Variants in PACS1 observed in about 807,000 individuals in gnomAD.
PACS1 encodes the protein phosphofurin acidic cluster sorting protein 1.
PACS1 carries 24 observed loss-of-function variants against 115.0 expected under a neutral mutation model. The ratio of observed to expected loss-of-function variants is 0.21; its 90% CI spans 0.15 to 0.29. The LOEUF (loss-of-function observed/expected upper bound fraction) is 0.29, where lower values mean the gene tolerates loss of function less well. PACS1 is among the 10% of genes least tolerant of loss of function. PACS1 has a pLI of 1.00. For synonymous variants in PACS1, 453 were observed against 504.5 expected (o/e 0.90, Z 1.37); for missense variants, 838 against 1,251.2 (o/e 0.67, Z 4.98).
In PACS1 at chr11:66,070,608, C is replaced by T. The variant is rs1186301528; in HGVS notation, c.122C>T (p.Pro41Leu). 6.6e-7 allele frequency: 1 copy of T among 1,525,642 alleles called. No homozygotes were observed. Among genetic ancestry groups the T allele is most frequent in the Non-Finnish European group, 8.7e-7 (1 of 1,144,534 alleles). 94.5% of individuals were successfully genotyped at this position (1,525,642 alleles called of 1,614,324 possible). Residue 41 changes from proline (P) to leucine (L), a missense_variant, in exon 1 of 24, where the codon CCG becomes CTG. Pro to Leu is a moderately conservative substitution (Grantham distance 98). This residue lies in a region of PACS1 where 129 missense variants were observed against 109.4 expected (regional missense o/e 1.18). Transcript: ENST00000320580. This position sits in a 1 kb window ranked among gnomAD's most constrained non-coding sequence, Gnocchi z 5.9. Reference protein sequence around the residue: ...QPPPQQQQQQPPQQPTPPKLA... With the variant: ...QPPPQQQQQQLPQQPTPPKLA... ...CCGCCGCAGCAGCAGCAGCAGCAGC[C>T]GCCGCAGCAGCCGACGCCCCCCAAG...
chr11:66,124,432 A>G (rs1395560936), intron 1 of PACS1, among the ~76,000 whole-genome samples: 5 of 152,226 alleles, frequency 3.3e-5, no homozygotes, highest in Non-Finnish European at 7.3e-5. Context: ...TTGTGATCAT[A>G]AAGACAGTAT....
chr11:66,079,681 C>T (rs1359180256), intron 1 of PACS1, among the ~76,000 whole-genome samples: 4 of 152,126 alleles, frequency 2.6e-5, no homozygotes, highest in Admixed American at 1.3e-4. Context: ...TATAGACCAG[C>T]TGATATGTGC....
At chr11:66,219,071 T>C (rs1234378566) in intron 7 of PACS1, among the ~76,000 whole-genome samples, 3 of 151,982 alleles carry the variant, frequency 2.0e-5, no homozygotes, top group African/African-American at 7.3e-5. Context: ...GAGGGTAGCA[T>C]GAGCAGGTTT....
Position 66,230,877 on chromosome 11 carries a change from C to T in PACS1, c.1563C>T (p.Pro521=), listed in dbSNP as rs568846210. Residue 521 remains proline (P), a synonymous_variant, in exon 13 of 24, where the codon CCC becomes CCT. Coordinates refer to ENST00000320580, the MANE Select transcript of PACS1 (RefSeq NM_018026.4). ...TPLKERQLSK[P]LSERTNSSDS... is the part of the protein sequence containing the mutation. ...TGAAGGAGCGGCAGCTCTCCAAGCCCCTAAGTGAGAGGACCAACAGTTCCG... is the reference window on the plus strand; with the variant it reads ...TGAAGGAGCGGCAGCTCTCCAAGCCTCTAAGTGAGAGGACCAACAGTTCCG... 2 of 1,614,180 alleles carry T rather than the reference C, an allele frequency of 1.2e-6. 1 individual carries two copies. The highest frequency in any genetic ancestry group is 2.2e-5 in the South Asian group (2 of 91,084).
At chr11:66,230,417 A>G (rs901672108) in intron 11 of PACS1, 131 bp from the exon 12 acceptor site, 12 of 671,988 alleles carry the variant, frequency 1.8e-5, no homozygotes, top group Middle Eastern at 7.7e-4. Context: ...CTTTAGGACC[A>G]CTTGCTTTCA....
chr11:66,219,584 G>C (rs1201946172), intron 7 of PACS1, 162 bp from the exon 8 acceptor site: 5 of 716,186 alleles, frequency 7.0e-6, no homozygotes, highest in Non-Finnish European at 1.3e-5. Context: ...AATTTGGCCT[G>C]TCTTCCTGAC....
At chr11:66,145,382 C>T (rs982366745) in intron 1 of PACS1, among the ~76,000 whole-genome samples, 10 of 152,064 alleles carry the variant, frequency 6.6e-5, no homozygotes, top group African/African-American at 2.2e-4. Context: ...AGCCCCTGTC[C>T]GGTGGCATTG....
intron 1 of PACS1, among the ~76,000 whole-genome samples, chr11:66,093,315 G>A (rs1307218451): frequency 6.6e-6 from 1 of 151,110 alleles, no homozygotes; most frequent in Non-Finnish European, 1.5e-5. Context: ...CACGTGCAGA[G>A]ACACACATAG....
At chr11:66,190,158 T>C (rs1445092687) in intron 1 of PACS1, among the ~76,000 whole-genome samples, 2 of 152,268 alleles carry the variant, frequency 1.3e-5, no homozygotes, top group African/African-American at 2.4e-5. Context: ...TCTTTGGACA[T>C]ACTGAAGACT....
At chr11:66,208,520 CT>C (rs1384162839) in intron 2 of PACS1, among the ~76,000 whole-genome samples, 1 of 151,948 alleles carries the variant, frequency 6.6e-6, no homozygotes, top group African/African-American at 2.4e-5. Context: ...AGATTTGCTT[CT>C]TTTTAAAACT....
chr11:66,115,616 T>G (rs1310111890), intron 1 of PACS1, among the ~76,000 whole-genome samples: 1 of 152,268 alleles, frequency 6.6e-6, no homozygotes, highest in Non-Finnish European at 1.5e-5. Flanking sequence ...AGCCCTGCTT[T>G]TCAGCAAATA....
chr11:66,192,010 G>A (rs1241032570), intron 1 of PACS1, among the ~76,000 whole-genome samples: 2 of 151,634 alleles, frequency 1.3e-5, no homozygotes, highest in African/African-American at 4.8e-5. Flanking sequence ...GAGACAGAGT[G>A]AGACTCTGTC....
At chr11:66,107,932 A>T (rs1212555788) in intron 1 of PACS1, among the ~76,000 whole-genome samples, 1 of 152,148 alleles carries the variant, frequency 6.6e-6, no homozygotes, top group Non-Finnish European at 1.5e-5. Flanking sequence ...ATCTAATTCC[A>T]GCTTCATAGG....
chr11:66,168,303 A>G (rs1331330869), intron 1 of PACS1, among the ~76,000 whole-genome samples: 2 of 150,624 alleles, frequency 1.3e-5, no homozygotes, highest in South Asian at 2.1e-4. Context: ...AGGAGAATCA[A>G]CGTATCAATG....
At chr11:66,202,198 A>T (rs1267606625) in intron 2 of PACS1, among the ~76,000 whole-genome samples, 1 of 152,184 alleles carries the variant, frequency 6.6e-6, no homozygotes, top group Non-Finnish European at 1.5e-5. Context: ...GAAATTCAAA[A>T]CCTGAATAGA....
chr11:66,188,584 G>C (rs1254854785), intron 1 of PACS1, among the ~76,000 whole-genome samples: 2 of 152,112 alleles, frequency 1.3e-5, no homozygotes, highest in Admixed American at 1.3e-4. Context: ...ATTAAAGCAG[G>C]AGTGTCATCA....
At chr11:66,185,928 A>C (rs1205503681) in intron 1 of PACS1, among the ~76,000 whole-genome samples, 1 of 152,124 alleles carries the variant, frequency 6.6e-6, no homozygotes, top group Non-Finnish European at 1.5e-5. Context: ...CTGCATACAC[A>C]ACAGAAAAAC....
At chr11:66,134,125 CGTA>C (rs1565119325) in intron 1 of PACS1, among the ~76,000 whole-genome samples, 3 of 152,006 alleles carry the variant, frequency 2.0e-5, no homozygotes, top group Non-Finnish European at 1.5e-5. Context: ...TCCCCATTAG[CGTA>C]ATTCCCCACC....
chr11:66,229,921 C>T lies in PACS1; in HGVS notation c.1375-627C>T, dbSNP rs548374755. The stretch of plus-strand genomic sequence containing the variant: ...AGGTTGCGCCAAGATTGTGCCACTG[C>T]GCTCCAACCTAGGCAATAAGAGCGA... On this transcript the variant is annotated intron_variant, in intron 11 of 23. Coordinates refer to ENST00000320580, the MANE Select transcript of PACS1 (RefSeq NM_018026.4). 3.2e-4 allele frequency among the ~76,000 whole-genome samples: 48 copies of T among 150,610 alleles called. No individual in the cohort carries two copies. The South Asian group carries it at 6.7e-3, about 21-fold the overall frequency.
Sources: gnomAD v4.1 joint callset for allele counts (sites outside exome capture counted in the v4.1 genomes callset) on GRCh38, gnomAD v4.1.1 for gene constraint, gnomAD v4.1.1 regional missense constraint, Gnocchi (gnomAD v3.1) non-coding constraint, MANE v1.5 for transcripts, NCBI Gene and HGNC (gene_info 2026-07-23, HGNC 2026-07-21) for gene names.